Variants in CREBRF observed in about 807,000 individuals in gnomAD.
CREBRF encodes UPF0474 protein C5orf41.
CREBRF carries 5 observed loss-of-function variants against 66.1 expected under a neutral mutation model. The observed-to-expected ratio is 0.08, with a 90% CI of 0.04 to 0.16. The LOEUF (loss-of-function observed/expected upper bound fraction) is 0.16. Ranked by LOEUF, CREBRF falls within the 10% of genes least tolerant of loss-of-function variation. The probability of loss-of-function intolerance (pLI) is 1.00; values close to 1 mark genes in which losing one functional copy is unlikely to be tolerated. For synonymous variants in CREBRF, 229 were observed against 264.4 expected (o/e 0.87, Z 1.30); for missense variants, 531 against 744.9 (o/e 0.71, Z 3.34).
At chr5:173,075,038 A>G (rs770710166) in intron 1 of CREBRF, among the ~76,000 whole-genome samples, 7 of 152,236 alleles carry the variant, frequency 4.6e-5, no homozygotes, top group Admixed American at 2.6e-4. Context: ...CAAGGTCATT[A>G]TAAGTACTGC....
intron 2 of CREBRF, among the ~76,000 whole-genome samples, chr5:173,085,574 G>A (rs751405870): frequency 5.9e-5 from 9 of 151,812 alleles, no homozygotes; most frequent in Non-Finnish European, 1.0e-4. Context: ...CTGCCAGCAC[G>A]CCCGGCTAAT....
chr5:173,105,225 A>ATGTGTGTG lies in CREBRF; in HGVS notation c.1223-3375_1223-3368dup, dbSNP rs34768667. Among the ~76,000 whole-genome samples the ATGTGTGTG allele has an allele frequency of 4.2e-3, 620 of 146,640 alleles. 2 individuals are homozygous for ATGTGTGTG. Among genetic ancestry groups the ATGTGTGTG allele is most frequent in the South Asian group, 6.3e-3 (29 of 4,632 alleles). On this transcript the variant is annotated intron_variant, in intron 4 of 8. Transcript: ENST00000296953. Reference sequence around the variant, plus strand: ...CCAGGAGGATGGTATGTGTGTATATATGTGTGTGTGTGTGTGTGTGTGTGT... The same window carrying ATGTGTGTG: ...CCAGGAGGATGGTATGTGTGTATATATGTGTGTGTGTGTGTGTGTGTGTGTGTGTGTGT...
At chr5:173,097,491 C>T (rs750407220) in intron 4 of CREBRF, among the ~76,000 whole-genome samples, 8 of 152,088 alleles carry the variant, frequency 5.3e-5, no homozygotes, top group African/African-American at 9.7e-5. Flanking sequence ...TTGATCTGCC[C>T]GCCTCGGCCT....
At chr5:173,105,737 T>A (rs1758733068) in intron 4 of CREBRF, among the ~76,000 whole-genome samples, 1 of 152,046 alleles carries the variant, frequency 6.6e-6, no homozygotes, top group South Asian at 2.1e-4. Flanking sequence ...GTGCTGGGAT[T>A]ACAGGCATGA....
intron 7 of CREBRF, among the ~76,000 whole-genome samples, chr5:173,118,643 C>T (rs930378111): frequency 2.0e-5 from 3 of 151,780 alleles, no homozygotes; most frequent in African/African-American, 4.8e-5. Flanking sequence ...TTTGTTCAGT[C>T]AATAGACCAC....
intron 1 of CREBRF, among the ~76,000 whole-genome samples, chr5:173,067,823 AC>A (rs1336635059): frequency 2.0e-5 from 3 of 151,864 alleles, no homozygotes; most frequent in African/African-American, 7.3e-5. Context: ...ACGCAGTGAA[AC>A]CCCATCTCTA....
At chr5:173,112,732 A>G (rs528751540) in intron 7 of CREBRF, among the ~76,000 whole-genome samples, 1 of 152,360 alleles carries the variant, frequency 6.6e-6, no homozygotes, top group South Asian at 2.1e-4. Flanking sequence ...GAAAGATCAC[A>G]ATAATTTCTT....
chr5:173,078,891 G>C (rs962037342), intron 1 of CREBRF, among the ~76,000 whole-genome samples: 1 of 152,046 alleles, frequency 6.6e-6, no homozygotes, highest in Non-Finnish European at 1.5e-5. Flanking sequence ...CCCAAATCCA[G>C]GTTTTATGCC....
rs756606753 is a variant in CREBRF at position 173,133,731 on chromosome 5, A to G, written c.1906A>G (p.Thr636Ala). 4.5e-5 allele frequency: 71 copies of G among 1,587,494 alleles called. No individual in the cohort carries two copies. Among genetic ancestry groups the G allele is most frequent in the African/African-American group, 1.3e-5 (1 of 74,282 alleles). ...TGGLVGLRIP[T>A]SKV is the part of the protein sequence containing the mutation. ...AGGCCTTGTAGGATTAAGGATACCA[A>G]CATCAAAGGTGTAATCAGCCTCATT... Residue 636 changes from threonine to alanine, a missense_variant, in exon 9 of 9, where the codon ACA (threonine) becomes GCA (alanine). Coordinates refer to ENST00000296953, the MANE Select transcript of CREBRF (RefSeq NM_153607.3).
intron 1 of CREBRF, among the ~76,000 whole-genome samples, chr5:173,071,189 G>C (rs1757589864): frequency 1.6e-5 from 2 of 126,040 alleles, no homozygotes; most frequent in African/African-American, 5.4e-5. Flanking sequence ...GAGTTGGAAA[G>C]ATAGTGTCAT....
At chr5:173,084,837 G>A in intron 2 of CREBRF, among the ~76,000 whole-genome samples, 1 of 152,156 alleles carries the variant, frequency 6.6e-6, no homozygotes, top group Non-Finnish European at 1.5e-5. Context: ...AGTAGAGACG[G>A]GGTTTCACTG....
At chr5:173,089,152 G>C (rs1249456803) in intron 3 of CREBRF, among the ~76,000 whole-genome samples, 2 of 148,210 alleles carry the variant, frequency 1.3e-5, no homozygotes, top group African/African-American at 5.0e-5. Flanking sequence ...ACTCCAGTCT[G>C]GGTGACAGAG....
Position 173,133,656 on chromosome 5 carries a change from G to A in CREBRF, c.1831G>A (p.Glu611Lys), listed in dbSNP as rs755255631. 6.2e-7 allele frequency: 1 copy of A among 1,612,450 alleles called. No homozygotes were observed. The highest frequency in any genetic ancestry group is 8.5e-7 in the Non-Finnish European group (1 of 1,178,968). The change falls in exon 9 of 9, where the codon GAA (glutamate) becomes AAA (lysine). Residue 611 changes from glutamate (E) to lysine (K), a missense_variant. By Grantham distance (56) the Glu-to-Lys change is moderately conservative (BLOSUM62 1). Around this residue, in one of 5 missense-constraint regions of CREBRF, gnomAD observed 64 missense variants for 111.3 expected, o/e 0.58. Transcript: ENST00000296953. ...LGLPVAGQTS[E>K]FVNQVLEKTA... The stretch of plus-strand genomic sequence containing the variant: ...TCTACCAGTTGCTGGGCAAACCTCA[G>A]AATTTGTTAACCAAGTGTTAGAGAA...
intron 3 of CREBRF, among the ~76,000 whole-genome samples, chr5:173,087,056 T>G (rs1395655143): frequency 1.3e-5 from 2 of 151,856 alleles, no homozygotes; most frequent in Non-Finnish European, 2.9e-5. Context: ...AAGCTATTCT[T>G]CTACCTCAGC....
chr5:173,120,633 G>T (rs999243540), intron 7 of CREBRF, among the ~76,000 whole-genome samples: 2 of 147,830 alleles, frequency 1.4e-5, no homozygotes, highest in Non-Finnish European at 3.0e-5. Flanking sequence ...CACCCATCTC[G>T]GCCTCCCAAA....
chr5:173,065,114 G>A (rs1186517039), intron 1 of CREBRF, among the ~76,000 whole-genome samples: 1 of 152,182 alleles, frequency 6.6e-6, no homozygotes, highest in Admixed American at 6.5e-5. Flanking sequence ...GCAGCCCAAT[G>A]TTACGATGGT....
intron 7 of CREBRF, among the ~76,000 whole-genome samples, chr5:173,121,328 C>CTT (rs527876904): frequency 5.6e-5 from 8 of 143,644 alleles, no homozygotes; most frequent in Non-Finnish European, 7.6e-5. Flanking sequence ...AGTTAACTTG[C>CTT]TTTTTTTTTT....
chr5:173,085,460 A>G (rs1362423595), intron 2 of CREBRF: 1 of 657,552 alleles, frequency 1.5e-6, no homozygotes, highest in Admixed American at 2.7e-5. Context: ...CTTGTTGCCC[A>G]GGCTGGAGTG....
intron 1 of CREBRF, among the ~76,000 whole-genome samples, chr5:173,071,933 T>C (rs1459206549): frequency 6.6e-6 from 1 of 151,560 alleles, no homozygotes; most frequent in African/African-American, 2.4e-5. Context: ...CATGTGCCTG[T>C]ATTCCCAGCT....
Sources: allele counts gnomAD v4.1 joint callset (sites outside exome capture counted in the v4.1 genomes callset), GRCh38; gene constraint gnomAD v4.1.1; regional missense constraint gnomAD v4.1.1; transcripts MANE v1.5; gene names NCBI Gene and HGNC (gene_info 2026-07-23, HGNC 2026-07-21).